CACNA2D2: variants seen among roughly 807,000 people sequenced by gnomAD.
CACNA2D2 encodes calcium voltage-gated channel auxiliary subunit alpha2delta 2, also known as voltage-dependent calcium channel subunit alpha-2/delta-2.
In CACNA2D2, 48 loss-of-function variants were observed where a neutral mutation model predicts 166.4. The observed-to-expected ratio is 0.29, with a 90% CI of 0.23 to 0.37. The LOEUF (loss-of-function observed/expected upper bound fraction) is 0.37, where lower values mean the gene tolerates loss of function less well. Among genes scored for constraint, CACNA2D2 ranks in the 10% least tolerant of loss-of-function variants. The probability of loss-of-function intolerance (pLI) is 1.00; values close to 1 mark genes in which losing one functional copy is unlikely to be tolerated. For missense variants in CACNA2D2, 1,122 were observed against 1,433.0 expected (o/e 0.78, Z 3.50); for synonymous variants, 561 against 573.7 (o/e 0.98, Z 0.32).
At chr3:50,494,258 G>A (rs1037009215) in intron 1 of CACNA2D2, among the ~76,000 whole-genome samples, 9 of 152,146 alleles carry the variant, frequency 5.9e-5, no homozygotes, top group Non-Finnish European at 1.2e-4. Context: ...GGGGCAGGGC[G>A]GGGGTGGGTT....
chr3:50,390,716 C>T (rs775615744), intron 4 of CACNA2D2, among the ~76,000 whole-genome samples: 92 of 152,156 alleles, frequency 6.0e-4, no homozygotes, highest in Non-Finnish European at 7.9e-4. Context: ...GGAGGGTCCA[C>T]GTGACCCTTG....
In CACNA2D2 at chr3:50,425,054, A is replaced by G. The variant is rs377308675; in HGVS notation, c.405+9259T>C. Among the ~76,000 whole-genome samples, 14 of 152,302 alleles carry G rather than the reference A, an allele frequency of 9.2e-5. No individual in the cohort carries two copies. The East Asian group carries it at 9.6e-4, about 10-fold the overall frequency. On this transcript the variant is annotated intron_variant, in intron 3 of 37. Transcript: ENST00000424201. Reference sequence around the variant, plus strand: ...ATTTTAAGGCACAGAAAGTGGGGCCAGAGAAGTGACTGGCCGCTCCCAGGG... The same window carrying G: ...ATTTTAAGGCACAGAAAGTGGGGCCGGAGAAGTGACTGGCCGCTCCCAGGG...
chr3:50,440,810 G>A (rs1343908108), intron 2 of CACNA2D2, among the ~76,000 whole-genome samples: 1 of 152,120 alleles, frequency 6.6e-6, no homozygotes, highest in Non-Finnish European at 1.5e-5. Flanking sequence ...GCCCAGACAG[G>A]TGGCAGTAGA....
chr3:50,500,961 A>G (rs1270230464), intron 1 of CACNA2D2, among the ~76,000 whole-genome samples: 1 of 152,152 alleles, frequency 6.6e-6, no homozygotes, highest in Non-Finnish European at 1.5e-5. Context: ...GCCCCTGTGC[A>G]CTGGCAGACA....
intron 1 of CACNA2D2, among the ~76,000 whole-genome samples, chr3:50,487,310 G>A (rs1273607877): frequency 2.0e-5 from 3 of 152,212 alleles, no homozygotes; most frequent in Admixed American, 6.5e-5. Flanking sequence ...CCACAAGCAA[G>A]CCAAAGCTGA....
chr3:50,488,991 C>T (rs1173103250), intron 1 of CACNA2D2, among the ~76,000 whole-genome samples: 3 of 152,138 alleles, frequency 2.0e-5, no homozygotes, highest in African/African-American at 4.8e-5. Flanking sequence ...TGAGCCACCG[C>T]GCACGTCCTT....
At chr3:50,397,475 T>C (rs920331569) in intron 3 of CACNA2D2, among the ~76,000 whole-genome samples, 13 of 152,114 alleles carry the variant, frequency 8.5e-5, no homozygotes, top group African/African-American at 3.1e-4. Context: ...CTGGTGTGCA[T>C]GAGGGGCCCT....
intron 2 of CACNA2D2, among the ~76,000 whole-genome samples, chr3:50,435,108 G>A (rs977840250): frequency 1.3e-5 from 2 of 151,638 alleles, no homozygotes; most frequent in African/African-American, 4.9e-5. Context: ...TCTGTGGGCA[G>A]GTGCATGTGG....
At chr3:50,444,022 C>T (rs1207271832) in intron 2 of CACNA2D2, among the ~76,000 whole-genome samples, 1 of 152,198 alleles carries the variant, frequency 6.6e-6, no homozygotes, top group Non-Finnish European at 1.5e-5. Context: ...CCATAAGTAC[C>T]CTCATGAGAC....
In CACNA2D2 at chr3:50,376,539, C is replaced by T. The variant is rs941235937; in HGVS notation, c.1627-351G>A. On this transcript the variant is annotated intron_variant, in intron 17 of 37. Transcript: ENST00000424201. The surrounding 1 kb of genome is among the most constrained non-coding windows in gnomAD (Gnocchi z 4.3). ...TGTACCCCTGTGGCCCTCCTCTAGC[C>T]ACTACTGCCCCTGATTTGTGCCTCC... 6.6e-6 allele frequency among the ~76,000 whole-genome samples: 1 copy of T among 152,220 alleles called. No individual in the cohort carries two copies. The highest frequency in any genetic ancestry group is 2.4e-5 in the African/African-American group (1 of 41,450).
At chr3:50,490,376 C>G (rs1201183310) in intron 1 of CACNA2D2, among the ~76,000 whole-genome samples, 1 of 152,158 alleles carries the variant, frequency 6.6e-6, no homozygotes, top group Non-Finnish European at 1.5e-5. Flanking sequence ...GGCCACAGTT[C>G]TGTACCTTGG....
In CACNA2D2 at chr3:50,380,214, T is replaced by C. The variant is rs1705229442; in HGVS notation, c.843-196A>G. Among the ~76,000 whole-genome samples, 1 of 152,208 alleles carries C rather than the reference T, an allele frequency of 6.6e-6. No homozygotes were observed. The highest frequency in any genetic ancestry group is 6.5e-5 in the Admixed American group (1 of 15,280). The stretch of plus-strand genomic sequence containing the variant: ...CCCATGACATGAATGGTCTGGTTCC[T>C]CAGCAAGGAAAAAGTACCAGGGGGT... On this transcript the variant is annotated intron_variant, in intron 8 of 37. Transcript: ENST00000424201. This position sits in a 1 kb window ranked among gnomAD's most constrained non-coding sequence, Gnocchi z 4.9.
intron 4 of CACNA2D2, among the ~76,000 whole-genome samples, chr3:50,391,015 T>C (rs777240835): frequency 6.6e-6 from 1 of 152,204 alleles, no homozygotes; most frequent in Non-Finnish European, 1.5e-5. Flanking sequence ...GAGGACTGTT[T>C]TCTGAGAGAG....
At chr3:50,374,698 G>C (rs1358514151) in intron 22 of CACNA2D2, 39 bp downstream of exon 22, 4 of 1,564,092 alleles carry the variant, frequency 2.6e-6, no homozygotes, top group Non-Finnish European at 1.7e-6. Flanking sequence ...GCGGGGCAGA[G>C]GCAGGGTGCA....
At chr3:50,448,098 C>G (rs917618100) in intron 2 of CACNA2D2, among the ~76,000 whole-genome samples, 6 of 152,144 alleles carry the variant, frequency 3.9e-5, no homozygotes, top group Admixed American at 2.6e-4. Context: ...TTAGGGAATG[C>G]TGGAGATGCC....
At chr3:50,477,972 G>A (rs1198363641) in intron 1 of CACNA2D2, among the ~76,000 whole-genome samples, 2 of 152,120 alleles carry the variant, frequency 1.3e-5, no homozygotes, top group Non-Finnish European at 2.9e-5. Context: ...TGCCTGGGTC[G>A]GTTGGCATGG....
At position 50,379,118 on chromosome 3, in the gene CACNA2D2, C is replaced by G. The variant is rs1166301984; in HGVS notation, c.1234G>C (p.Glu412Gln). Reference sequence around the variant, plus strand: ...GTCCGGTTTGGCCAATTGTACTTCTCAAAGACGTCCTGCACGCGGTCCTCA... The same window carrying G: ...GTCCGGTTTGGCCAATTGTACTTCTGAAAGACGTCCTGCACGCGGTCCTCA... ...GGEDRVQDVF[E>Q]KYNWPNRTVR... Residue 412 changes from glutamate to glutamine, a missense_variant, in exon 12 of 38, where the codon GAG (glutamate) becomes CAG (glutamine). Coordinates refer to ENST00000424201, the MANE Select transcript of CACNA2D2 (RefSeq NM_006030.4). This position sits in a 1 kb window ranked among gnomAD's most constrained non-coding sequence, Gnocchi z 6.5. 6.2e-7 allele frequency: 1 copy of G among 1,614,014 alleles called. No homozygotes were observed. Among genetic ancestry groups the G allele is most frequent in the Admixed American group, 1.7e-5 (1 of 60,030 alleles).
intron 5 of CACNA2D2, among the ~76,000 whole-genome samples, chr3:50,385,811 AGAG>A (rs1347436186): frequency 6.6e-6 from 1 of 152,202 alleles, no homozygotes; most frequent in African/African-American, 2.4e-5. Flanking sequence ...CGTTCCGCTC[AGAG>A]GAGGGGGAGG....
At chr3:50,378,252 G>A in intron 14 of CACNA2D2, 32 bp downstream of exon 14, 4 of 1,555,856 alleles carry the variant, frequency 2.6e-6, no homozygotes, top group South Asian at 1.2e-5. Context: ...GGGAAGCCAG[G>A]GGCTGGGAGG....
Sources: gnomAD v4.1 joint callset for allele counts (sites outside exome capture counted in the v4.1 genomes callset) on GRCh38, gnomAD v4.1.1 for gene constraint, Gnocchi (gnomAD v3.1) non-coding constraint, MANE v1.5 for transcripts, NCBI Gene and HGNC (gene_info 2026-07-23, HGNC 2026-07-21) for gene names.